ZNF215: variants seen among roughly 807,000 people sequenced by gnomAD.
ZNF215 encodes zinc finger protein 215, also known as BWSCR2-associated zinc finger protein 2.
A neutral mutation model predicts 27.2 loss-of-function variants in ZNF215; 24 were observed. The observed-to-expected ratio is 0.88, with a 90% CI of 0.64 to 1.24. The LOEUF (loss-of-function observed/expected upper bound fraction) is 1.24, where lower values mean the gene tolerates loss of function less well. Among genes scored for constraint, ZNF215 ranks in the 50% most tolerant of loss-of-function variants. The pLI is 0.00. For synonymous variants in ZNF215, 210 were observed against 204.0 expected (o/e 1.03, Z -0.25); for missense variants, 675 against 605.7 (o/e 1.11, Z -1.20).
chr11:6,934,102 A>G (rs1264920693), intron 3 of ZNF215, among the ~76,000 whole-genome samples: 1 of 152,206 alleles, frequency 6.6e-6, no homozygotes, highest in East Asian at 1.9e-4. Context: ...GGTTATATTT[A>G]GTCTTCGTCT....
chr11:6,988,071 G>A (rs1209791431), downstream of ZNF215: 4 of 365,914 alleles, frequency 1.1e-5, no homozygotes, highest in Non-Finnish European at 1.5e-5. Flanking sequence ...GAAGAACCAT[G>A]TTGAAGTAGT....
downstream of ZNF215, among the ~76,000 whole-genome samples, chr11:6,984,821 A>T (rs113622352): frequency 1.4e-3 from 202 of 148,990 alleles, 2 homozygotes; most frequent in African/African-American, 4.8e-3. Context: ...GGGTTTTCAC[A>T]ATCTTTTACA....
downstream of ZNF215, among the ~76,000 whole-genome samples, chr11:6,993,762 T>A (rs565812659): frequency 6.6e-6 from 1 of 152,318 alleles, no homozygotes; most frequent in South Asian, 2.1e-4. Flanking sequence ...GATTTCATAT[T>A]TGTAAATTCA....
At chr11:6,943,794 A>T (rs1849719385) in intron 6 of ZNF215, among the ~76,000 whole-genome samples, 153 bp downstream of exon 6, 1 of 152,184 alleles carries the variant, frequency 6.6e-6, no homozygotes, top group African/African-American at 2.4e-5. Flanking sequence ...TTTTGTTCAC[A>T]GGTTCTTTTT....
chr11:6,953,736 G>A (rs551749387), intron 6 of ZNF215, among the ~76,000 whole-genome samples: 2 of 152,178 alleles, frequency 1.3e-5, no homozygotes, highest in Admixed American at 6.5e-5. Context: ...CTCTCAACTC[G>A]TCAAAGTCAT....
Position 6,941,615 on chromosome 11 carries a change from G to A in ZNF215, c.445G>A (p.Glu149Lys), listed in dbSNP as rs375915544. 87 of 1,614,000 alleles carry A rather than the reference G, an allele frequency of 5.4e-5. No homozygotes were observed. The highest frequency in any genetic ancestry group is 6.9e-5 in the Non-Finnish European group (82 of 1,179,980). ...DSALQMGSIK[E>K]KMKAGSRTGK... ...TGCCCTGCAGATGGGGAGCATCAAG[G>A]AGAAAATGAAAGCTGGCTCACGAAC... Residue 149 changes from glutamate (E) to lysine (K), a missense_variant, in exon 4 of 7, where the codon GAG (glutamate) becomes AAG (lysine). Glu to Lys is a moderately conservative substitution (Grantham distance 56, BLOSUM62 1). Coordinates refer to ENST00000278319, the MANE Select transcript of ZNF215 (RefSeq NM_013250.4).
intron 5 of ZNF215, among the ~76,000 whole-genome samples, chr11:6,973,676 T>C (rs1222121563): frequency 1.3e-5 from 2 of 152,208 alleles, no homozygotes; most frequent in East Asian, 3.8e-4. Context: ...CCTGTGTCTG[T>C]TGGCTGCATA....
chr11:6,936,890 CAA>C (rs71470445), intron 3 of ZNF215, among the ~76,000 whole-genome samples: 20 of 126,940 alleles, frequency 1.6e-4, no homozygotes, highest in Admixed American at 1.6e-4. Context: ...CTTTTATGAC[CAA>C]AAAAAAAAAA....
chr11:6,928,371 TTTC>T (rs2133129824), intron 2 of ZNF215, among the ~76,000 whole-genome samples: 1 of 152,310 alleles, frequency 6.6e-6, no homozygotes, highest in African/African-American at 2.4e-5. Context: ...GTTGACTTCA[TTTC>T]TTGTTTTCTG....
intron 5 of ZNF215, among the ~76,000 whole-genome samples, chr11:6,983,165 GGATAAACT>G (rs1421885572): frequency 6.6e-6 from 1 of 152,146 alleles, no homozygotes; most frequent in African/African-American, 2.4e-5. Flanking sequence ...TAGAAGAAAT[GGATAAACT>G]CCTCGACACA....
At chr11:6,950,797 C>T (rs1019852583) in intron 6 of ZNF215, among the ~76,000 whole-genome samples, 36 of 147,964 alleles carry the variant, frequency 2.4e-4, no homozygotes, top group African/African-American at 8.5e-4. Context: ...GAGAGGGCAT[C>T]CCTGTCTTGT....
chr11:6,949,199 C>T (rs1193105332), intron 6 of ZNF215, among the ~76,000 whole-genome samples: 1 of 151,926 alleles, frequency 6.6e-6, no homozygotes, highest in Non-Finnish European at 1.5e-5. Flanking sequence ...AATAGTGCCT[C>T]AATAAACATA....
At chr11:6,987,319 T>C (rs75615078), downstream of ZNF215, among the ~76,000 whole-genome samples, 755 of 152,102 alleles carry the variant, frequency 5.0e-3, 4 homozygotes, top group African/African-American at 0.015. Context: ...GAGCTAAACA[T>C]TGGGTACACA....
At chr11:6,982,667 T>A (rs1208486327) in intron 5 of ZNF215, among the ~76,000 whole-genome samples, 1 of 151,850 alleles carries the variant, frequency 6.6e-6, no homozygotes, top group Admixed American at 6.6e-5. Context: ...ACTGGGTACA[T>A]AACGAAATGA....
intron 5 of ZNF215, among the ~76,000 whole-genome samples, chr11:6,964,018 A>G (rs1179270662): frequency 6.6e-6 from 1 of 152,042 alleles, no homozygotes; most frequent in Non-Finnish European, 1.5e-5. Context: ...TATGTTAGCA[A>G]TTGTAATAAG....
At chr11:6,954,289 T>G (rs929173132) in intron 6 of ZNF215, among the ~76,000 whole-genome samples, 2 of 152,236 alleles carry the variant, frequency 1.3e-5, no homozygotes, top group Non-Finnish European at 2.9e-5. Context: ...GACATTTAAG[T>G]CTGCAGAGGT....
At chr11:6,951,566 G>A (rs551324298) in intron 6 of ZNF215, among the ~76,000 whole-genome samples, 30 of 152,284 alleles carry the variant, frequency 2.0e-4, no homozygotes, top group South Asian at 6.2e-4. Context: ...ATTTCTGTGG[G>A]ATCGGTGGTG....
chr11:6,944,224 CAAG>C (rs1849737039), intron 6 of ZNF215, among the ~76,000 whole-genome samples: 1 of 151,808 alleles, frequency 6.6e-6, no homozygotes, highest in African/African-American at 2.4e-5. Context: ...TGCAGTGAGC[CAAG>C]ATCGCACCAC....
downstream of ZNF215, among the ~76,000 whole-genome samples, chr11:6,984,917 A>C (rs1025672265): frequency 6.6e-6 from 1 of 152,174 alleles, no homozygotes; most frequent in African/African-American, 2.4e-5. Flanking sequence ...AAACCCTACC[A>C]ACCAAAAAAC....
Sources: gnomAD v4.1 joint callset for allele counts (sites outside exome capture counted in the v4.1 genomes callset) on GRCh38, gnomAD v4.1.1 for gene constraint, MANE v1.5 for transcripts, NCBI Gene and HGNC (gene_info 2026-07-23, HGNC 2026-07-21) for gene names.